ZNF148: variants seen among roughly 807,000 people sequenced by gnomAD.
The protein encoded by ZNF148 is zinc finger protein 148.
ZNF148 carries 7 observed loss-of-function variants against 67.7 expected under a neutral mutation model. The observed-to-expected ratio is 0.10, with a 90% CI of 0.06 to 0.19. ZNF148 has a LOEUF of 0.19. ZNF148 is among the 10% of genes least tolerant of loss of function. The pLI is 1.00. For synonymous variants in ZNF148, 333 were observed against 330.7 expected, an observed-to-expected ratio of 1.01 and a Z score of -0.08; for missense variants, 583 against 947.1, an observed-to-expected ratio of 0.62 and a Z score of 5.05.
At chr3:125,359,817 C>T (rs1377586702) in intron 1 of ZNF148, among the ~76,000 whole-genome samples, 3 of 152,216 alleles carry the variant, frequency 2.0e-5, no homozygotes, top group African/African-American at 7.2e-5. Context: ...CTCACTTCAG[C>T]GAGCGCCCAC....
Position 125,313,672 on chromosome 3 carries a change from T to G in ZNF148, c.-16-16A>C. 1 of 1,575,774 alleles carries G rather than the reference T, an allele frequency of 6.3e-7. No individual in the cohort carries two copies. On this transcript the variant is annotated splice_polypyrimidine_tract_variant and intron_variant, in intron 3 of 8. Coordinates refer to ENST00000360647, the MANE Select transcript of ZNF148 (RefSeq NM_021964.3). ...GTATAACTGCCTAGAAAACCAAGTT[T>G]GGCAACAAAACATAGTAAATTAGTT...
At chr3:125,353,799 T>C (rs1301963550) in intron 1 of ZNF148, among the ~76,000 whole-genome samples, 1 of 150,750 alleles carries the variant, frequency 6.6e-6, no homozygotes, top group Non-Finnish European at 1.5e-5. Flanking sequence ...TGAGGCCAGG[T>C]TCAGTGGTTC....
chr3:125,285,704 T>G (rs1560141022), intron 5 of ZNF148, among the ~76,000 whole-genome samples: 1 of 152,128 alleles, frequency 6.6e-6, no homozygotes, highest in Non-Finnish European at 1.5e-5. Context: ...TGTTTGTTAT[T>G]CTTACACCTC....
chr3:125,316,505 T>C (rs1018752549), intron 3 of ZNF148, among the ~76,000 whole-genome samples: 4 of 152,288 alleles, frequency 2.6e-5, no homozygotes, highest in Admixed American at 2.0e-4. Flanking sequence ...CTCACCAGCA[T>C]TGGTAATTGC....
rs1376673876 is a variant in ZNF148 at position 125,232,725 on chromosome 3, T to C, written c.2001A>G (p.Leu667=). The C allele has an allele frequency of 3.1e-6, 5 of 1,613,892 alleles. No individual in the cohort carries two copies. Among genetic ancestry groups the C allele is most frequent in the Non-Finnish European group, 4.2e-6 (5 of 1,179,812 alleles). ...AGTGGGACTTATCTGGAGTTGTTCT[T>C]AGTGGAGAATTCATTCCTGATCGAA... ...NSFRSGMNSP[L]RTTPDKSHFG... is the part of the protein sequence containing the mutation. Residue 667 remains leucine (L), a synonymous_variant, in exon 9 of 9, where the codon CTA becomes CTG. Coordinates refer to ENST00000360647, the MANE Select transcript of ZNF148 (RefSeq NM_021964.3). The surrounding 1 kb of genome is among the most constrained non-coding windows in gnomAD (Gnocchi z 4.2).
At chr3:125,298,844 G>T (rs768846183) in intron 4 of ZNF148, among the ~76,000 whole-genome samples, 2 of 151,866 alleles carry the variant, frequency 1.3e-5, no homozygotes, top group Admixed American at 1.3e-4. Context: ...AGCCAGGATG[G>T]TCTCAATCTC....
intron 7 of ZNF148, among the ~76,000 whole-genome samples, chr3:125,253,509 C>T (rs1224485542): frequency 6.6e-6 from 1 of 152,060 alleles, no homozygotes; most frequent in Admixed American, 6.5e-5. Context: ...TGATACCAGG[C>T]ATCAATCTCA....
rs1388519784 is a variant in ZNF148 at position 125,335,585 on chromosome 3, G to A, written c.-233-4347C>T. On this transcript the variant is annotated intron_variant, in intron 1 of 8. Transcript: ENST00000360647. The stretch of plus-strand genomic sequence containing the variant: ...ATCAAATGCACCATGGTAATTCTTA[G>A]CAACATAAATAGGTTAGTCCAATCT... 3.3e-5 allele frequency among the ~76,000 whole-genome samples: 5 copies of A among 152,100 alleles called. No individual in the cohort carries two copies. In the South Asian group the frequency reaches 8.3e-4, roughly 25 times the overall value.
intron 1 of ZNF148, among the ~76,000 whole-genome samples, chr3:125,353,000 T>C (rs150457163): frequency 6.6e-6 from 1 of 152,286 alleles, no homozygotes; most frequent in East Asian, 1.9e-4. Flanking sequence ...TGGAAGTTTT[T>C]TAAATAACTA....
At chr3:125,274,585 C>A (rs910848053) in intron 7 of ZNF148, among the ~76,000 whole-genome samples, 4 of 152,138 alleles carry the variant, frequency 2.6e-5, no homozygotes, top group Non-Finnish European at 5.9e-5. Context: ...TCCTTTTGAA[C>A]CCAAATCAAC....
chr3:125,295,027 T>C (rs534571242), intron 4 of ZNF148, among the ~76,000 whole-genome samples: 2 of 152,372 alleles, frequency 1.3e-5, no homozygotes, highest in Admixed American at 6.5e-5. Flanking sequence ...TTCAAACTTA[T>C]TTAAAAATGC....
chr3:125,241,657 T>G (rs1019016903), intron 7 of ZNF148, among the ~76,000 whole-genome samples: 19 of 152,222 alleles, frequency 1.2e-4, no homozygotes, highest in Admixed American at 3.3e-4. Flanking sequence ...ATACTACAAT[T>G]TATTTAATCA....
chr3:125,260,034 C>T (rs991562945), intron 7 of ZNF148, among the ~76,000 whole-genome samples: 1 of 152,270 alleles, frequency 6.6e-6, no homozygotes, highest in Middle Eastern at 3.4e-3. Context: ...AATGAGGGAA[C>T]AGCCAGTTGG....
chr3:125,353,564 A>C (rs1348834865), intron 1 of ZNF148, among the ~76,000 whole-genome samples: 1 of 152,200 alleles, frequency 6.6e-6, no homozygotes, highest in African/African-American at 2.4e-5. Flanking sequence ...ACACAGGACT[A>C]TGTACTAATT....
At chr3:125,234,415 G>T in intron 7 of ZNF148, 86 bp from the exon 8 acceptor site, 1 of 960,328 alleles carries the variant, frequency 1.0e-6, no homozygotes. Context: ...AAAATAAATG[G>T]CTTTTGAAAG....
At chr3:125,299,864 G>C (rs1161606570) in intron 4 of ZNF148, among the ~76,000 whole-genome samples, 2 of 152,200 alleles carry the variant, frequency 1.3e-5, no homozygotes, top group African/African-American at 4.8e-5. Flanking sequence ...GAAAAAACTA[G>C]AGTTGAAGTT....
At chr3:125,332,023 T>G (rs1941311070) in intron 1 of ZNF148, among the ~76,000 whole-genome samples, 1 of 152,156 alleles carries the variant, frequency 6.6e-6, no homozygotes, top group Non-Finnish European at 1.5e-5. Flanking sequence ...AGTTTAGGGA[T>G]CCATAAATAC....
At chr3:125,307,054 CAA>C (rs55863917) in intron 4 of ZNF148, among the ~76,000 whole-genome samples, 2 of 144,322 alleles carry the variant, frequency 1.4e-5, no homozygotes, top group African/African-American at 5.1e-5. Flanking sequence ...ATAGCTATTC[CAA>C]AAAAAAAAAA....
intron 1 of ZNF148, among the ~76,000 whole-genome samples, chr3:125,335,347 T>C (rs1941448567): frequency 1.3e-5 from 2 of 152,118 alleles, no homozygotes; most frequent in South Asian, 4.1e-4. Context: ...TCTTTCTAAT[T>C]ATGGAATCAC....
Sources: allele counts gnomAD v4.1 joint callset (sites outside exome capture counted in the v4.1 genomes callset), GRCh38; gene constraint gnomAD v4.1.1; non-coding constraint Gnocchi (gnomAD v3.1); transcripts MANE v1.5; gene names NCBI Gene and HGNC (gene_info 2026-07-23, HGNC 2026-07-21).